The following GLT1D1 variants were observed in gnomAD, a reference collection of about 807,000 sequenced individuals.
GLT1D1 encodes the protein glycosyltransferase 1 domain containing 1.
In GLT1D1, 21 loss-of-function variants were observed where a neutral mutation model predicts 28.7. The observed-to-expected ratio is 0.73, with a 90% CI of 0.52 to 1.05. The LOEUF (loss-of-function observed/expected upper bound fraction) is 1.05, where lower values mean the gene tolerates loss of function less well. GLT1D1 is among the 50% of genes least tolerant of loss of function. The pLI is 0.00. For missense variants in GLT1D1, 343 were observed against 330.6 expected (o/e 1.04, Z -0.29); for synonymous variants, 147 against 124.8 (o/e 1.18, Z -1.19).
chr12:128,876,155 T>C (rs960509645), intron 2 of GLT1D1, 93 bp downstream of exon 2: 10 of 1,134,110 alleles, frequency 8.8e-6, no homozygotes, highest in Admixed American at 4.8e-5. Context: ...AGTGTCTCCT[T>C]TTTATCCAGT....
chr12:128,940,096 G>A lies in GLT1D1; in HGVS notation c.376-5230G>A, dbSNP rs567346354. Among the ~76,000 whole-genome samples the A allele has an allele frequency of 9.2e-5, 14 of 152,000 alleles. No individual in the cohort carries two copies. The East Asian group carries it at 2.7e-3, about 29-fold the overall frequency. ...TTGTATTGTATTGTAGCTCTCAACAGATGTATTTTGTATTGGTGGTGGGAT... is the reference window on the plus strand; with the variant it reads ...TTGTATTGTATTGTAGCTCTCAACAAATGTATTTTGTATTGGTGGTGGGAT... On this transcript the variant is annotated intron_variant, in intron 4 of 7. Coordinates refer to ENST00000281703, the MANE Select transcript of GLT1D1 (RefSeq NM_144669.3).
intron 6 of GLT1D1, among the ~76,000 whole-genome samples, chr12:128,951,671 G>C (rs188415318): frequency 1.3e-5 from 2 of 152,122 alleles, no homozygotes; most frequent in Non-Finnish European, 2.9e-5. Flanking sequence ...TTCTGAGGTC[G>C]AGCACACTCA....
chr12:128,944,648 G>C (rs765389502), intron 4 of GLT1D1: 1 of 734,358 alleles, frequency 1.4e-6, no homozygotes, highest in Non-Finnish European at 2.5e-6. Flanking sequence ...GCTTTATCTA[G>C]GGCTTCTGCC....
rs184981711 is a variant in GLT1D1 at position 128,984,162 on chromosome 12, G to A, written c.*1072G>A. 2.0e-5 allele frequency: 3 copies of A among 152,370 alleles called. No individual in the cohort carries two copies. Among genetic ancestry groups the A allele is most frequent in the Admixed American group, 1.3e-4 (2 of 15,302 alleles). The allele number at this position is 152,370 out of a possible 1,614,324, so 9.4% of individuals were successfully genotyped here. A position where few individuals can be genotyped will look rare whatever the true frequency, so the allele number is the denominator to read the frequency against. Reference sequence around the variant, plus strand: ...TCCCACCTCTTGTGGGTAGAAAGCAGTCTGCTTTGAGGAGGCGAGAAGGCA... The same window carrying A: ...TCCCACCTCTTGTGGGTAGAAAGCAATCTGCTTTGAGGAGGCGAGAAGGCA... On this transcript the variant is annotated 3_prime_UTR_variant, in exon 8 of 8. Coordinates refer to ENST00000281703, the MANE Select transcript of GLT1D1 (RefSeq NM_144669.3).
In GLT1D1 at chr12:128,875,945, G is replaced by A. The variant is rs146263464; in HGVS notation, c.100G>A (p.Val34Ile). Residue 34 changes from valine to isoleucine, a missense_variant, in exon 2 of 8, where the codon GTT (valine) becomes ATT (isoleucine). Physicochemically the swap from Val to Ile is conservative, Grantham distance 29. Coordinates refer to ENST00000281703, the MANE Select transcript of GLT1D1 (RefSeq NM_144669.3). Reference sequence around the variant, plus strand: ...TCTAGAGGCTGCAGGGCACGTGTGCGTTTTGAAGGATGCCTTTGACTTTGA... The same window carrying A: ...TCTAGAGGCTGCAGGGCACGTGTGCATTTTGAAGGATGCCTTTGACTTTGA... 1,212 of 1,614,052 alleles carry A rather than the reference G, an allele frequency of 7.5e-4. 2 individuals carry two copies. Among genetic ancestry groups the A allele is most frequent in the African/African-American group, 1.0e-3 (75 of 75,018 alleles).
chr12:128,963,010 T>C (rs1345191603), intron 7 of GLT1D1, among the ~76,000 whole-genome samples: 1 of 152,186 alleles, frequency 6.6e-6, no homozygotes, highest in African/African-American at 2.4e-5. Context: ...AAAATGATTC[T>C]TTTAAACATG....
chr12:128,879,263 A>C (rs1260071361), intron 2 of GLT1D1, among the ~76,000 whole-genome samples: 1 of 152,090 alleles, frequency 6.6e-6, no homozygotes, highest in Admixed American at 6.6e-5. Context: ...CTTAGGTATT[A>C]AGACCAGAAT....
chr12:128,897,518 C>T (rs765706204), intron 3 of GLT1D1, among the ~76,000 whole-genome samples: 8 of 152,076 alleles, frequency 5.3e-5, no homozygotes, highest in Non-Finnish European at 1.2e-4. Context: ...AGGCCAGCTG[C>T]TTGTTCTCTT....
chr12:128,915,573 C>T (rs1872027573), intron 4 of GLT1D1, among the ~76,000 whole-genome samples: 1 of 152,038 alleles, frequency 6.6e-6, no homozygotes, highest in Non-Finnish European at 1.5e-5. Context: ...CCGTATTGGC[C>T]AGGCTGGTCT....
Position 128,874,113 on chromosome 12 carries a change from TC to T in GLT1D1, c.69-1800del, listed in dbSNP as rs1474200786. 6.5e-3 allele frequency among the ~76,000 whole-genome samples: 429 copies of T among 65,842 alleles called. 8 individuals are homozygous for T. Among genetic ancestry groups the T allele is most frequent in the Admixed American group, 0.035 (183 of 5,156 alleles). The allele number at this position is 65,842 out of a possible 152,430, so 43.2% of individuals were successfully genotyped here. On this transcript the variant is annotated intron_variant, in intron 1 of 7. Coordinates refer to ENST00000281703, the MANE Select transcript of GLT1D1 (RefSeq NM_144669.3). The stretch of plus-strand genomic sequence containing the variant: ...CTTTCTTTCTTTCTCTCTCTCTCTC[TC>T]TCTCTCTCTCTCTTTCTTTCTTTCT...
intron 7 of GLT1D1, among the ~76,000 whole-genome samples, chr12:128,959,406 G>A (rs1877659870): frequency 4.2e-5 from 2 of 47,102 alleles, no homozygotes; most frequent in South Asian, 9.8e-4. Flanking sequence ...AGCTTCATGA[G>A]GCAGTGGGGG....
intron 7 of GLT1D1, among the ~76,000 whole-genome samples, chr12:128,976,871 C>A (rs1251076430): frequency 2.0e-5 from 3 of 152,040 alleles, no homozygotes; most frequent in African/African-American, 7.2e-5. Context: ...ACTGGCTGGG[C>A]GCAGTGGCTC....
intron 4 of GLT1D1, among the ~76,000 whole-genome samples, chr12:128,916,234 A>C (rs530272800): frequency 6.6e-6 from 1 of 152,274 alleles, no homozygotes; most frequent in African/African-American, 2.4e-5. Context: ...GGTGTATTTC[A>C]TTCCATATAT....
At chr12:128,922,914 C>A (rs1266867359) in intron 4 of GLT1D1, among the ~76,000 whole-genome samples, 3 of 104,164 alleles carry the variant, frequency 2.9e-5, no homozygotes, top group African/African-American at 1.1e-4. Flanking sequence ...CAGGCTGAGA[C>A]TCCATCTCAA....
intron 1 of GLT1D1, chr12:128,864,152 C>G (rs980347837): frequency 1.0e-5 from 7 of 685,890 alleles, no homozygotes; most frequent in Non-Finnish European, 1.9e-5. Flanking sequence ...AACATGCTGA[C>G]TGCGAGGTGC....
chr12:128,928,553 C>G (rs1004121843), intron 4 of GLT1D1, among the ~76,000 whole-genome samples: 4 of 152,018 alleles, frequency 2.6e-5, no homozygotes, highest in African/African-American at 9.7e-5. Context: ...ACAGAATACA[C>G]CTAGTGTTTC....
intron 1 of GLT1D1, among the ~76,000 whole-genome samples, chr12:128,875,044 G>A (rs1293275430): frequency 6.9e-6 from 1 of 145,136 alleles, no homozygotes; most frequent in East Asian, 2.0e-4. Context: ...ATGTTTGAAA[G>A]ACATAAATAT....
In GLT1D1 at chr12:128,865,161, G is replaced by A. The variant is rs149589160; in HGVS notation, c.69-10753G>A. 5.3e-3 allele frequency among the ~76,000 whole-genome samples: 807 copies of A among 152,260 alleles called. 4 individuals are homozygous for A. The highest frequency in any genetic ancestry group is 0.018 in the African/African-American group (754 of 41,546). On this transcript the variant is annotated intron_variant, in intron 1 of 7. Transcript: ENST00000281703. ...TCTGCCAGGACCTGCTATCCTCTGCGCTGTGGGCCCCTCAGTGACATAACC... is the reference window on the plus strand; with the variant it reads ...TCTGCCAGGACCTGCTATCCTCTGCACTGTGGGCCCCTCAGTGACATAACC...
chr12:128,965,732 A>AAAAAT (rs75853652), intron 7 of GLT1D1, among the ~76,000 whole-genome samples: 2 of 104,610 alleles, frequency 1.9e-5, no homozygotes, highest in African/African-American at 3.7e-5. Flanking sequence ...AAAAAAAAAA[A>AAAAAT]AAAGAAAAAG....
Sources: gnomAD v4.1 joint callset for allele counts (sites outside exome capture counted in the v4.1 genomes callset) on GRCh38, gnomAD v4.1.1 for gene constraint, MANE v1.5 for transcripts, NCBI Gene and HGNC (gene_info 2026-07-23, HGNC 2026-07-21) for gene names.